DLGAP1: variants seen among roughly 807,000 people sequenced by gnomAD.
DLGAP1 encodes the protein DLG associated protein 1.
A neutral mutation model predicts 90.8 loss-of-function variants in DLGAP1; 11 were observed. That is an observed-to-expected ratio of 0.12 (90% confidence interval 0.08 to 0.20). The LOEUF is 0.20. Among genes scored for constraint, DLGAP1 ranks in the 10% least tolerant of loss-of-function variants. The probability of loss-of-function intolerance (pLI) is 1.00; values close to 1 mark genes in which losing one functional copy is unlikely to be tolerated. For missense variants in DLGAP1, 1,050 were observed against 1,333.8 expected (o/e 0.79, Z 3.31); for synonymous variants, 558 against 540.7 (o/e 1.03, Z -0.44).
At chr18:3,769,209 C>T (rs1434108909) in intron 5 of DLGAP1, among the ~76,000 whole-genome samples, 2 of 152,094 alleles carry the variant, frequency 1.3e-5, no homozygotes, top group Admixed American at 6.5e-5. Flanking sequence ...TACTCCACTC[C>T]TATCATAATG....
At chr18:3,600,991 T>TAG (rs1449721589) in intron 7 of DLGAP1, among the ~76,000 whole-genome samples, 2 of 136,128 alleles carry the variant, frequency 1.5e-5, no homozygotes, top group Non-Finnish European at 3.0e-5. Context: ...GATATAGATA[T>TAG]ATAGATATAT....
chr18:4,157,318 T>A (rs2076773457), intron 1 of DLGAP1, among the ~76,000 whole-genome samples: 1 of 152,208 alleles, frequency 6.6e-6, no homozygotes, highest in South Asian at 2.1e-4. Flanking sequence ...TTGAAAACAA[T>A]GGTAAACTAT....
At chr18:3,592,588 C>A (rs530296270) in intron 7 of DLGAP1, among the ~76,000 whole-genome samples, 1 of 152,074 alleles carries the variant, frequency 6.6e-6, no homozygotes, top group East Asian at 1.9e-4. Context: ...CCTGTAATCC[C>A]AGCACTTTGG....
At chr18:4,388,370 A>G (rs560025722) in intron 1 of DLGAP1, among the ~76,000 whole-genome samples, 4 of 152,118 alleles carry the variant, frequency 2.6e-5, no homozygotes, top group African/African-American at 9.6e-5. Context: ...ATCCATAGGG[A>G]AGTATGTAGG....
intron 3 of DLGAP1, among the ~76,000 whole-genome samples, chr18:3,959,653 G>C (rs9962165): frequency 0.25 from 38,223 of 150,624 alleles, 4,923 homozygotes; most frequent in African/African-American, 0.3. Flanking sequence ...GACAGAGCGA[G>C]ACTCTGTCTC....
rs55783238 is a variant in DLGAP1, at chr18:3,833,130, ATTCCTTCCTTCCTTCCTTCCTTCCTTCC to A, written c.958-18885_958-18858del. On this transcript the variant is annotated intron_variant, in intron 4 of 12. Coordinates refer to ENST00000315677, the MANE Select transcript of DLGAP1 (RefSeq NM_004746.4). ...TCTTTAATTTTCTATGAATTATAAGATTCCTTCCTTCCTTCCTTCCTTCCTTCCTTCCTTCCTTCCTTCCTTCCTTCCT... is the reference window on the plus strand; with the variant it reads ...TCTTTAATTTTCTATGAATTATAAGATTCCTTCCTTCCTTCCTTCCTTCCT... 2.1e-3 allele frequency among the ~76,000 whole-genome samples: 227 copies of A among 107,476 alleles called. 12 individuals are homozygous for A. Among genetic ancestry groups the A allele is most frequent in the Middle Eastern group, 4.9e-3 (1 of 206 alleles). 70.5% of individuals were successfully genotyped at this position (107,476 alleles called of 152,430 possible).
rs553243633 is a variant in DLGAP1, at chr18:4,269,166, A to T, written c.-266-117879T>A. ...TGAATTTCTCCCATATTGCAGTAAG[A>T]TATAGTAAATGTATCCAACAAACGC... is the stretch of plus-strand genomic sequence containing the variant. On this transcript the variant is annotated intron_variant, in intron 1 of 12. Coordinates refer to ENST00000315677, the MANE Select transcript of DLGAP1 (RefSeq NM_004746.4). Among the ~76,000 whole-genome samples the T allele has an allele frequency of 7.9e-5, 12 of 151,746 alleles. No homozygotes were observed. In the South Asian group the frequency reaches 2.5e-3, roughly 32 times the overall value.
intron 1 of DLGAP1, among the ~76,000 whole-genome samples, chr18:4,438,449 A>AG (rs911186302): frequency 2.0e-5 from 3 of 150,582 alleles, no homozygotes; most frequent in African/African-American, 7.3e-5. Flanking sequence ...AAAAAAAAAA[A>AG]AAAAAGAAAT....
At chr18:4,377,728 C>A (rs750051271) in intron 1 of DLGAP1, among the ~76,000 whole-genome samples, 36 of 152,062 alleles carry the variant, frequency 2.4e-4, no homozygotes, top group Non-Finnish European at 4.7e-4. Context: ...CAAAAAAATT[C>A]TTAATAAAAA....
intron 5 of DLGAP1, among the ~76,000 whole-genome samples, chr18:3,769,023 C>T (rs1294220140): frequency 1.3e-5 from 2 of 152,086 alleles, no homozygotes; most frequent in African/African-American, 4.8e-5. Flanking sequence ...ACATATCTGA[C>T]AAAGGATTAG....
intron 1 of DLGAP1, among the ~76,000 whole-genome samples, chr18:4,414,223 TAGAG>T (rs1288088924): frequency 1.3e-5 from 2 of 152,092 alleles, no homozygotes; most frequent in Non-Finnish European, 2.9e-5. Flanking sequence ...GAAAATAAGA[TAGAG>T]AGAAAAGTAA....
At chr18:4,260,240 A>C (rs905188519) in intron 1 of DLGAP1, among the ~76,000 whole-genome samples, 18 of 152,188 alleles carry the variant, frequency 1.2e-4, no homozygotes, top group Admixed American at 6.5e-5. Flanking sequence ...TCGAAACCGG[A>C]AATGGGCTGG....
At chr18:3,891,502 A>G (rs2071457216) in intron 3 of DLGAP1, among the ~76,000 whole-genome samples, 1 of 152,182 alleles carries the variant, frequency 6.6e-6, no homozygotes, top group South Asian at 2.1e-4. Context: ...GTTCTGTTCC[A>G]GCTGCCCTAA....
At chr18:4,197,504 A>G (rs2077523403) in intron 1 of DLGAP1, among the ~76,000 whole-genome samples, 1 of 152,202 alleles carries the variant, frequency 6.6e-6, no homozygotes, top group African/African-American at 2.4e-5. Flanking sequence ...GGAAGATAAC[A>G]ATGGTGGCAT....
rs372871933 is a variant in DLGAP1 at position 3,742,415 on chromosome 18, C to A, written c.1270G>T (p.Asp424Tyr). The A allele has an allele frequency of 4.3e-6, 7 of 1,614,056 alleles. No homozygotes were observed. In the African/African-American group the frequency reaches 6.7e-5, roughly 15 times the overall value. ...VSINRSLDSL[D>Y]PAGLLTSPKF... ...GGTGATGTGAGCAAGCCTGCAGGGT[C>A]CAGGCTGTCCAGGCTCCGGTTGATG... Residue 424 changes from aspartate (D) to tyrosine (Y), a missense_variant, in exon 6 of 13, where the codon GAC becomes TAC. By Grantham distance (160) the Asp-to-Tyr change is radical. This residue lies in a region of DLGAP1 where 565 missense variants were observed against 879.7 expected (regional missense o/e 0.64). Coordinates refer to ENST00000315677, the MANE Select transcript of DLGAP1 (RefSeq NM_004746.4).
In DLGAP1 at chr18:4,345,671, T is replaced by C. The variant is rs572619510; in HGVS notation, c.-267+109335A>G. 2.0e-5 allele frequency among the ~76,000 whole-genome samples: 3 copies of C among 152,326 alleles called. No individual in the cohort carries two copies. The South Asian group carries it at 6.2e-4, about 32-fold the overall frequency. ...GTTAGCTCCTTCTACTTCACATAAG[T>C]ATGAAAAATATCTTCAAATACATCA... On this transcript the variant is annotated intron_variant, in intron 1 of 12. Transcript: ENST00000315677.
At chr18:4,405,950 C>T (rs1247602067) in intron 1 of DLGAP1, among the ~76,000 whole-genome samples, 2 of 152,216 alleles carry the variant, frequency 1.3e-5, no homozygotes, top group Non-Finnish European at 2.9e-5. Context: ...TGAAAGTACA[C>T]TCCACAATGT....
At chr18:3,874,994 A>G (rs1288698340) in intron 4 of DLGAP1, among the ~76,000 whole-genome samples, 2 of 152,218 alleles carry the variant, frequency 1.3e-5, no homozygotes, top group Non-Finnish European at 2.9e-5. Context: ...AATCATGGCA[A>G]TGGCCTAAAT....
intron 7 of DLGAP1, chr18:3,728,002 C>A (rs1168856434): frequency 6.6e-6 from 1 of 152,080 alleles, no homozygotes; most frequent in African/African-American, 2.4e-5. Context: ...AAATTATCAC[C>A]TCAATTCCAT....
Sources: gnomAD v4.1 joint callset for allele counts (sites outside exome capture counted in the v4.1 genomes callset) on GRCh38, gnomAD v4.1.1 for gene constraint, gnomAD v4.1.1 regional missense constraint, MANE v1.5 for transcripts, NCBI Gene and HGNC (gene_info 2026-07-23, HGNC 2026-07-21) for gene names.